Variants in OSBPL8 observed in about 807,000 individuals in gnomAD.
OSBPL8 encodes oxysterol binding protein like 8, also known as oxysterol-binding protein-related protein 8.
OSBPL8 carries 59 observed loss-of-function variants against 125.5 expected under a neutral mutation model. That is an observed-to-expected ratio of 0.47 (90% CI 0.38 to 0.58). OSBPL8 has a LOEUF of 0.58. OSBPL8 is among the 20% of genes least tolerant of loss of function. The pLI is 0.00. For synonymous variants in OSBPL8, 330 were observed against 338.9 expected, an observed-to-expected ratio of 0.97 and a Z score of 0.29; for missense variants, 758 against 1,047.8, an observed-to-expected ratio of 0.72 and a Z score of 3.82.
intron 21 of OSBPL8, among the ~76,000 whole-genome samples, chr12:76,359,636 G>C (rs1952122181): frequency 1.3e-5 from 2 of 152,126 alleles, no homozygotes. Flanking sequence ...GGTTTAATTT[G>C]ACTTATGGTT....
intron 1 of OSBPL8, among the ~76,000 whole-genome samples, chr12:76,556,464 G>GAAGA (rs1159955397): frequency 1.9e-5 from 1 of 52,022 alleles, no homozygotes; most frequent in East Asian, 1.4e-3. Flanking sequence ...ACCAAGGTGG[G>GAAGA]AAGAAAGATC....
intron 1 of OSBPL8, among the ~76,000 whole-genome samples, chr12:76,511,035 G>C (rs1406579806): frequency 6.6e-6 from 1 of 152,200 alleles, no homozygotes; most frequent in Non-Finnish European, 1.5e-5. Context: ...AATATACAAT[G>C]TAATGTCCCT....
At chr12:76,551,796 G>A (rs1353602069) in intron 1 of OSBPL8, among the ~76,000 whole-genome samples, 1 of 152,006 alleles carries the variant, frequency 6.6e-6, no homozygotes, top group Admixed American at 6.6e-5. Context: ...TTACAGTCTC[G>A]ACTACCTCGT....
chr12:76,399,613 TCA>T (rs1054236610), intron 7 of OSBPL8, among the ~76,000 whole-genome samples: 2 of 152,196 alleles, frequency 1.3e-5, no homozygotes, highest in African/African-American at 4.8e-5. Flanking sequence ...AGACAACATA[TCA>T]CACAAACCAA....
intron 9 of OSBPL8, among the ~76,000 whole-genome samples, 193 bp from the exon 10 acceptor site, chr12:76,392,945 G>C (rs1351597859): frequency 1.3e-5 from 2 of 152,086 alleles, no homozygotes; most frequent in African/African-American, 4.8e-5. Context: ...GCACACCACT[G>C]ATAAATGAAT....
intron 1 of OSBPL8, among the ~76,000 whole-genome samples, chr12:76,555,868 T>C (rs1413096055): frequency 6.6e-6 from 1 of 152,176 alleles, no homozygotes; most frequent in Non-Finnish European, 1.5e-5. Context: ...GAATAAAAAT[T>C]CTTCATAATG....
intron 1 of OSBPL8, among the ~76,000 whole-genome samples, chr12:76,514,239 G>A (rs1018464884): frequency 2.6e-5 from 4 of 152,030 alleles, no homozygotes; most frequent in Non-Finnish European, 4.4e-5. Context: ...CCGCCTCCCG[G>A]GTTCAAGCGA....
chr12:76,526,633 CTCTTTTTTTTTTTT>C (rs1950182259), intron 1 of OSBPL8, among the ~76,000 whole-genome samples: 1 of 106,596 alleles, frequency 9.4e-6, no homozygotes, highest in Admixed American at 1.2e-4. Context: ...ATCAGTAAAT[CTCTTTTTTTTTTTT>C]TTTTTTTTTT....
At chr12:76,482,809 T>A (rs1196268833) in intron 2 of OSBPL8, among the ~76,000 whole-genome samples, 1 of 152,220 alleles carries the variant, frequency 6.6e-6, no homozygotes. Flanking sequence ...AGACATATAT[T>A]AAAAAGTATT....
chr12:76,444,849 T>C (rs1239569112), intron 4 of OSBPL8, among the ~76,000 whole-genome samples: 1 of 152,218 alleles, frequency 6.6e-6, no homozygotes, highest in African/African-American at 2.4e-5. Context: ...GCTACTGCTC[T>C]AAGCAACAGT....
At position 76,460,036 on chromosome 12, in the gene OSBPL8, A is replaced by G. The variant is rs139953211; in HGVS notation, c.43-141T>C. ...TATAAGTAGAAAGCACATGCACATC[A>G]ATAGTAATAACCGTAATAATTTACA... is the stretch of plus-strand genomic sequence containing the variant. On this transcript the variant is annotated intron_variant, in intron 2 of 23. Coordinates refer to ENST00000261183, the MANE Select transcript of OSBPL8 (RefSeq NM_020841.5). 989 of 707,532 alleles carry G rather than the reference A, an allele frequency of 1.4e-3. 2 individuals are homozygous for G. The highest frequency in any genetic ancestry group is 3.0e-3 in the Admixed American group (135 of 45,048). 43.8% of individuals were successfully genotyped at this position (707,532 alleles called of 1,614,324 possible).
intron 17 of OSBPL8, 100 bp downstream of exon 17, chr12:76,375,173 A>T: frequency 1.3e-6 from 1 of 745,346 alleles, no homozygotes; most frequent in Non-Finnish European, 2.1e-6. Context: ...TTGTGTTCTT[A>T]CATTTAGTCC....
chr12:76,402,685 T>G lies in OSBPL8; in HGVS notation c.366+4A>C. ...TTACCTTTCAGAAACAACTGGAAACTAACCTTAAGAGATTCTTTTTTTGTG... is the reference window on the plus strand; with the variant it reads ...TTACCTTTCAGAAACAACTGGAAACGAACCTTAAGAGATTCTTTTTTTGTG... On this transcript the variant is annotated splice_donor_region_variant and intron_variant, in intron 6 of 23. Coordinates refer to ENST00000261183, the MANE Select transcript of OSBPL8 (RefSeq NM_020841.5). 1 of 1,589,518 alleles carries G rather than the reference T, an allele frequency of 6.3e-7. No homozygotes were observed. The highest frequency in any genetic ancestry group is 8.6e-7 in the Non-Finnish European group (1 of 1,158,740).
intron 1 of OSBPL8, among the ~76,000 whole-genome samples, chr12:76,502,782 G>A (rs1880033528): frequency 2.0e-5 from 3 of 152,084 alleles, no homozygotes; most frequent in Non-Finnish European, 4.4e-5. Context: ...GAATACAGAA[G>A]GGATAGTGGA....
In OSBPL8 at chr12:76,394,648, C is replaced by G; in HGVS notation, c.754G>C (p.Asp252His). Residue 252 changes from aspartate to histidine, a missense_variant, in exon 9 of 24, where the codon GAT becomes CAT. Asp to His is a moderately conservative substitution (Grantham distance 81). Transcript: ENST00000261183. ...YLIIRATSES[D>H]GRCWMDALEL... Reference sequence around the variant, plus strand: ...ATCCATCAAAAACTATACTTACCATCTGACTCTGAAGTAGCTCGGATGATC... The same window carrying G: ...ATCCATCAAAAACTATACTTACCATGTGACTCTGAAGTAGCTCGGATGATC... 2 of 1,610,088 alleles carry G rather than the reference C, an allele frequency of 1.2e-6. No individual in the cohort carries two copies. Among genetic ancestry groups the G allele is most frequent in the Non-Finnish European group, 1.7e-6 (2 of 1,178,302 alleles).
intron 4 of OSBPL8, among the ~76,000 whole-genome samples, chr12:76,445,331 T>G (rs1340813833): frequency 6.6e-6 from 1 of 152,160 alleles, no homozygotes; most frequent in Non-Finnish European, 1.5e-5. Flanking sequence ...TAGGCAAAAC[T>G]TTCTTTAATA....
At chr12:76,546,338 G>C (rs1950781540) in intron 1 of OSBPL8, among the ~76,000 whole-genome samples, 1 of 152,018 alleles carries the variant, frequency 6.6e-6, no homozygotes, top group African/African-American at 2.4e-5. Flanking sequence ...ATGGATCTCT[G>C]TTTTTACAGA....
chr12:76,419,302 G>A (rs1298319656), intron 4 of OSBPL8, among the ~76,000 whole-genome samples: 1 of 152,122 alleles, frequency 6.6e-6, no homozygotes, highest in Non-Finnish European at 1.5e-5. Context: ...GTACCTACCT[G>A]TTACATAACA....
At position 76,450,898 on chromosome 12, in the gene OSBPL8, T is replaced by C. The variant is rs1032550332; in HGVS notation, c.170A>G (p.Lys57Arg). ...QGKEAYPTPT[K>R]DLHQPSLSPA... ...ACTAAGAGATGGCTGATGCAAATCT[T>C]TGGTTGGCGTTGGATAAGCTTCTTT... Residue 57 changes from lysine to arginine, a missense_variant, in exon 4 of 24, where the codon AAA (lysine) becomes AGA (arginine). Physicochemically the swap from Lys to Arg is conservative, Grantham distance 26. Coordinates refer to ENST00000261183, the MANE Select transcript of OSBPL8 (RefSeq NM_020841.5). 2 of 1,613,936 alleles carry C rather than the reference T, an allele frequency of 1.2e-6. No individual in the cohort carries two copies. Among genetic ancestry groups the C allele is most frequent in the South Asian group, 1.1e-5 (1 of 91,066 alleles).
Sources: gnomAD v4.1 joint callset for allele counts (sites outside exome capture counted in the v4.1 genomes callset) on GRCh38, gnomAD v4.1.1 for gene constraint, MANE v1.5 for transcripts, NCBI Gene and HGNC (gene_info 2026-07-23, HGNC 2026-07-21) for gene names.